The following PTPRB variants were observed in gnomAD, a reference collection of about 807,000 sequenced individuals.
PTPRB encodes the protein receptor-type tyrosine-protein phosphatase beta.
In PTPRB, 97 loss-of-function variants were observed where a neutral mutation model predicts 238.1. That is an observed-to-expected ratio of 0.41 (90% CI 0.35 to 0.48). The LOEUF (loss-of-function observed/expected upper bound fraction) is 0.48. PTPRB is among the 20% of genes least tolerant of loss of function. PTPRB has a pLI of 0.30. For synonymous variants in PTPRB, 970 were observed against 995.4 expected (o/e 0.97, Z 0.48); for missense variants, 2,292 against 2,681.9 (o/e 0.85, Z 3.21).
At chr12:70,626,018 G>T (rs924484397) in intron 2 of PTPRB, among the ~76,000 whole-genome samples, 1 of 151,852 alleles carries the variant, frequency 6.6e-6, no homozygotes, top group Non-Finnish European at 1.5e-5. Flanking sequence ...TTCATCTATG[G>T]CTCAGAAATA....
At chr12:70,589,879 T>C in intron 8 of PTPRB, 85 bp downstream of exon 8, 1 of 1,315,164 alleles carries the variant, frequency 7.6e-7, no homozygotes, top group Non-Finnish European at 1.1e-6. Flanking sequence ...GGTATGATAT[T>C]AGCAGTTACG....
chr12:70,530,107 T>C (rs1250388109), intron 32 of PTPRB, among the ~76,000 whole-genome samples: 2 of 150,552 alleles, frequency 1.3e-5, no homozygotes, highest in African/African-American at 2.5e-5. Context: ...TTATAGATTA[T>C]AGAAAGATTT....
At chr12:70,625,244 T>C (rs1165965561) in intron 2 of PTPRB, among the ~76,000 whole-genome samples, 1 of 152,164 alleles carries the variant, frequency 6.6e-6, no homozygotes, top group East Asian at 1.9e-4. Flanking sequence ...CCAAGTTTTG[T>C]CAAATTTAAA....
intron 33 of PTPRB, among the ~76,000 whole-genome samples, chr12:70,523,667 C>T (rs904109874): frequency 6.6e-6 from 1 of 152,088 alleles, no homozygotes; most frequent in Non-Finnish European, 1.5e-5. Flanking sequence ...GCAGGAACCC[C>T]CTCCCTACCC....
chr12:70,545,957 C>G (rs559755456), intron 21 of PTPRB, among the ~76,000 whole-genome samples: 1 of 151,996 alleles, frequency 6.6e-6, no homozygotes, highest in Non-Finnish European at 1.5e-5. Context: ...GCCAACGTGG[C>G]AAAACCCCGT....
intron 21 of PTPRB, among the ~76,000 whole-genome samples, chr12:70,548,189 C>T (rs895723160): frequency 7.2e-5 from 11 of 151,996 alleles, no homozygotes; most frequent in Admixed American, 3.9e-4. Context: ...TAGCCAGGCC[C>T]GTGTGATGCG....
At chr12:70,572,837 T>A (rs1316650148) in intron 11 of PTPRB, among the ~76,000 whole-genome samples, 4 of 150,258 alleles carry the variant, frequency 2.7e-5, no homozygotes, top group Non-Finnish European at 4.4e-5. Context: ...ACACATATGG[T>A]TATTTGCATA....
chr12:70,623,693 T>C (rs73328154), intron 2 of PTPRB, among the ~76,000 whole-genome samples: 433 of 152,352 alleles, frequency 2.8e-3, no homozygotes, highest in African/African-American at 9.7e-3. Flanking sequence ...GAAGAGTTTC[T>C]GGCTAAAAGA....
chr12:70,621,603 C>A (rs1438919985), intron 3 of PTPRB, among the ~76,000 whole-genome samples: 2 of 152,182 alleles, frequency 1.3e-5, no homozygotes, highest in African/African-American at 2.4e-5. Flanking sequence ...AGCCAGGAAC[C>A]ATATGCAATG....
chr12:70,576,780 A>G (rs1015891558), intron 10 of PTPRB, 135 bp from the exon 11 acceptor site: 41 of 603,356 alleles, frequency 6.8e-5, no homozygotes, highest in African/African-American at 5.8e-4. Context: ...ATCTGATTAT[A>G]TAAGAGGTCA....
At chr12:70,557,875 A>G (rs1040809420) in intron 18 of PTPRB, among the ~76,000 whole-genome samples, 1 of 152,206 alleles carries the variant, frequency 6.6e-6, no homozygotes, top group African/African-American at 2.4e-5. Flanking sequence ...GAGACAGGAC[A>G]GGGTCCTTCT....
intron 5 of PTPRB, 52 bp from the exon 6 acceptor site, chr12:70,594,776 G>T (rs1882841638): frequency 6.3e-7 from 1 of 1,583,186 alleles, no homozygotes. Context: ...CCTTATAGGA[G>T]ACATAGACAC....
Position 70,520,080 on chromosome 12 carries a change from C to A in PTPRB, c.*1409G>T. Reference sequence around the variant, plus strand: ...GAAGCTATGCCATCAACAAACTTGACCTCTAATTCCCAAGTTTATTACAGA... The same window carrying A: ...GAAGCTATGCCATCAACAAACTTGAACTCTAATTCCCAAGTTTATTACAGA... On this transcript the variant is annotated 3_prime_UTR_variant, in exon 34 of 34. Coordinates refer to ENST00000334414, the MANE Select transcript of PTPRB (RefSeq NM_001109754.4). 2.8e-6 allele frequency: 1 copy of A among 361,086 alleles called. No homozygotes were observed. The allele number at this position is 361,086 out of a possible 1,614,324, so 22.4% of individuals were successfully genotyped here. A position where few individuals can be genotyped will look rare whatever the true frequency, so the allele number is the denominator to read the frequency against.
At chr12:70,622,758 T>G in intron 2 of PTPRB, 112 bp from the exon 3 acceptor site, 1 of 1,261,546 alleles carries the variant, frequency 7.9e-7, no homozygotes, top group Non-Finnish European at 1.1e-6. Flanking sequence ...GGCATGTGGA[T>G]AAGCTTCAGT....
At chr12:70,532,706 A>C (rs1314625896) in intron 31 of PTPRB, among the ~76,000 whole-genome samples, 1 of 151,852 alleles carries the variant, frequency 6.6e-6, no homozygotes. Flanking sequence ...CAGTGGCACA[A>C]GCATAGCTCA....
rs1032859043 is a variant in PTPRB, at chr12:70,524,473, C to G, written c.6623G>C (p.Arg2208Thr). 3 of 1,605,380 alleles carry G rather than the reference C, an allele frequency of 1.9e-6. No homozygotes were observed. The highest frequency in any genetic ancestry group is 1.7e-4 in the Middle Eastern group (1 of 6,044). Residue 2208 changes from arginine (R) to threonine (T), a missense_variant and splice_region_variant, in exon 33 of 34, where the codon AGA (arginine) becomes ACA (threonine). Physicochemically the swap from Arg to Thr is moderately conservative, Grantham distance 71. This residue lies in a region of PTPRB where 397 missense variants were observed against 502.0 expected (regional missense o/e 0.79). Transcript: ENST00000334414. ...IYENVNPEYH[R>T]DPVYSRH ...AAGTAAGTGAAGTAAGTGCCCACCT[C>G]TGTGATACTCTGGATTCACATTTTC... is the stretch of plus-strand genomic sequence containing the variant.
chr12:70,525,850 C>T (rs1224619097), intron 32 of PTPRB, among the ~76,000 whole-genome samples: 1 of 152,352 alleles, frequency 6.6e-6, no homozygotes, highest in East Asian at 1.9e-4. Context: ...TTCTGGGGAT[C>T]CCAGTTTCCC....
Position 70,539,985 on chromosome 12 carries a change from G to T in PTPRB, c.5632C>A (p.Arg1878Ser), listed in dbSNP as rs868318095. The change falls in exon 24 of 34, where the codon CGT (arginine) becomes AGT (serine). Residue 1878 changes from arginine (R) to serine (S), a missense_variant. By Grantham distance (110) the Arg-to-Ser change is moderately radical. Coordinates refer to ENST00000334414, the MANE Select transcript of PTPRB (RefSeq NM_001109754.4). ...TGGACAGATAATGGTCGATCCCTAC[G>T]AATGCTCAGACGGGCAGAGGGTCTT... is the stretch of plus-strand genomic sequence containing the variant. ...RERPSARLSI[R>S]RDRPLSVHLN... 1 of 1,611,674 alleles carries T rather than the reference G, an allele frequency of 6.2e-7. No homozygotes were observed. The highest frequency in any genetic ancestry group is 1.7e-5 in the Admixed American group (1 of 59,998).
At chr12:70,553,131 T>G in intron 20 of PTPRB, 111 bp from the exon 21 acceptor site, 4 of 1,254,548 alleles carry the variant, frequency 3.2e-6, no homozygotes, top group Non-Finnish European at 4.4e-6. Context: ...CTCTGGCCAT[T>G]TCCAAAGTAC....
Sources: gnomAD v4.1 joint callset for allele counts (sites outside exome capture counted in the v4.1 genomes callset) on GRCh38, gnomAD v4.1.1 for gene constraint, gnomAD v4.1.1 regional missense constraint, MANE v1.5 for transcripts, NCBI Gene and HGNC (gene_info 2026-07-23, HGNC 2026-07-21) for gene names.